Variants in FAAH2 observed in about 807,000 individuals in gnomAD.
FAAH2 encodes the protein fatty acid amide hydrolase 2.
In FAAH2, 60 loss-of-function variants were observed where a neutral mutation model predicts 36.9. The ratio of observed to expected loss-of-function variants is 1.63; its 90% CI spans 1.32 to 2.02. FAAH2 has a LOEUF of 2.02. Among genes scored for constraint, FAAH2 ranks in the 30% most tolerant of loss-of-function variants. FAAH2 has a pLI of 0.00. For synonymous variants in FAAH2, 214 were observed against 143.8 expected (o/e 1.49, Z -3.49); for missense variants, 689 against 397.5 (o/e 1.73, Z -6.23).
At chrX:57,163,817 G>A in the FAAH2 span, among the ~76,000 whole-genome samples, 4 of 112,277 alleles carry the variant, frequency 3.6e-5, no homozygotes, top group East Asian at 2.8e-4. Flanking sequence ...GAAATCACCC[G>A]TCTTCTGCGT....
At chrX:57,475,989 C>G (rs1161768199) in intron 10 of FAAH2, among the ~76,000 whole-genome samples, 1 of 111,172 alleles carries the variant, frequency 9.0e-6, no homozygotes, top group Non-Finnish European at 1.9e-5. Flanking sequence ...ATTTGGCTGT[C>G]TGCTTGTCTA....
chrX:57,249,912 T>G, the FAAH2 span, among the ~76,000 whole-genome samples: 1 of 111,933 alleles, frequency 8.9e-6, no homozygotes, highest in Admixed American at 9.5e-5. Flanking sequence ...TGCTTAGAGA[T>G]TCTGGTCACA....
At chrX:57,421,350 G>T (rs1450621292) in intron 7 of FAAH2, among the ~76,000 whole-genome samples, 1 of 112,068 alleles carries the variant, frequency 8.9e-6, no homozygotes, top group Non-Finnish European at 1.9e-5. Context: ...TACTCAGGTG[G>T]GTGAGACCGG....
rs747776994 is a variant in FAAH2 at position 57,394,680 on chromosome X, G to GT, written c.996+13659dup. ...ATCACCCACAACTTTTCTCCCATTT[G>GT]TTTTTTTTATCATCTGGGACATAAT... is the stretch of plus-strand genomic sequence containing the variant. On this transcript the variant is annotated intron_variant, in intron 7 of 10. Coordinates refer to ENST00000374900, the MANE Select transcript of FAAH2 (RefSeq NM_174912.4). 2,312 of 918,960 alleles carry GT rather than the reference G, an allele frequency of 2.5e-3. 5 individuals are homozygous for GT. The highest frequency in any genetic ancestry group is 3.3e-3 in the Non-Finnish European group (2,103 of 632,064). The allele number at this position is 918,960 out of a possible 1,213,427, so 75.7% of individuals were successfully genotyped here.
chrX:57,445,601 G>A (rs999890587), intron 8 of FAAH2, among the ~76,000 whole-genome samples: 1 of 111,892 alleles, frequency 8.9e-6, no homozygotes, highest in Admixed American at 9.5e-5. Context: ...TCTCACTAGA[G>A]TGGGTCTAGA....
chrX:57,357,662 C>T (rs370873455), intron 5 of FAAH2, among the ~76,000 whole-genome samples: 10 of 111,092 alleles, frequency 9.0e-5, no homozygotes, highest in South Asian at 3.8e-4. Context: ...GTTAGAGTGG[C>T]GATAATTAAA....
intron 10 of FAAH2, among the ~76,000 whole-genome samples, chrX:57,479,110 C>T (rs1444460910): frequency 9.0e-6 from 1 of 111,685 alleles, no homozygotes; most frequent in Non-Finnish European, 1.9e-5. Context: ...TTGATTCTTC[C>T]TACCAATGAG....
intron 5 of FAAH2, among the ~76,000 whole-genome samples, chrX:57,353,501 G>GA (rs755138907): frequency 5.8e-5 from 3 of 51,908 alleles, no homozygotes; most frequent in Admixed American, 2.1e-4. Context: ...AAAAAAAAAA[G>GA]AAAAAAAAGA....
chrX:57,382,418 G>A (rs1453056004), intron 7 of FAAH2, among the ~76,000 whole-genome samples: 2 of 111,092 alleles, frequency 1.8e-5, no homozygotes, highest in Non-Finnish European at 3.8e-5. Context: ...ACAAAATTGA[G>A]AGACCGCTGG....
the FAAH2 span, among the ~76,000 whole-genome samples, chrX:57,156,411 A>G: frequency 2.7e-5 from 3 of 111,803 alleles, no homozygotes; most frequent in Admixed American, 1.9e-4. Context: ...TAGTGATATC[A>G]TGTCTCCTGG....
intron 7 of FAAH2, among the ~76,000 whole-genome samples, chrX:57,423,026 T>C (rs1333859181): frequency 9.0e-6 from 1 of 111,719 alleles, no homozygotes; most frequent in African/African-American, 3.3e-5. Context: ...CATATTTTCA[T>C]TGGGGAACTG....
chrX:57,456,900 C>T (rs1251788739), intron 10 of FAAH2, among the ~76,000 whole-genome samples: 6 of 111,579 alleles, frequency 5.4e-5, no homozygotes, highest in Non-Finnish European at 7.5e-5. Flanking sequence ...TCACACTTTC[C>T]CAAGAAAATC....
chrX:57,206,892 G>A, the FAAH2 span, among the ~76,000 whole-genome samples: 92 of 111,406 alleles, frequency 8.3e-4, no homozygotes, highest in Non-Finnish European at 1.5e-3. Context: ...GGAAAATATT[G>A]GAACTATGTG....
chrX:57,324,760 T>G (rs1469735912), intron 3 of FAAH2, among the ~76,000 whole-genome samples: 1 of 112,335 alleles, frequency 8.9e-6, no homozygotes, highest in Admixed American at 9.4e-5. Context: ...TGGGGTTTTC[T>G]AAATATACAA....
At chrX:57,292,721 A>G (rs1476701474) in intron 2 of FAAH2, 141 bp downstream of exon 2, 4 of 437,881 alleles carry the variant, frequency 9.1e-6, no homozygotes, top group African/African-American at 2.5e-5. Flanking sequence ...TCTGACTTCT[A>G]ATTTCAGTAT....
At chrX:57,409,162 C>G (rs1010625246) in intron 7 of FAAH2, among the ~76,000 whole-genome samples, 30 of 111,204 alleles carry the variant, frequency 2.7e-4, no homozygotes, top group African/African-American at 9.8e-4. Context: ...TAATATTATG[C>G]GACCACCATC....
chrX:57,215,461 C>T, the FAAH2 span, among the ~76,000 whole-genome samples: 3 of 111,523 alleles, frequency 2.7e-5, no homozygotes, highest in African/African-American at 9.8e-5. Flanking sequence ...AATCCTATTA[C>T]TGGGTATATA....
At chrX:57,458,052 T>A (rs1463487256) in intron 10 of FAAH2, among the ~76,000 whole-genome samples, 1 of 111,637 alleles carries the variant, frequency 9.0e-6, no homozygotes, top group Non-Finnish European at 1.9e-5. Flanking sequence ...AAATGTACTA[T>A]AAGGCTACAA....
At chrX:57,476,632 G>T (rs1460679522) in intron 10 of FAAH2, among the ~76,000 whole-genome samples, 4 of 110,959 alleles carry the variant, frequency 3.6e-5, no homozygotes, top group African/African-American at 6.6e-5. Flanking sequence ...ATCAGAGATG[G>T]TGGCCTGAAA....
Sources: allele counts gnomAD v4.1 joint callset (sites outside exome capture counted in the v4.1 genomes callset), GRCh38; gene constraint gnomAD v4.1.1; transcripts MANE v1.5; gene names NCBI Gene and HGNC (gene_info 2026-07-23, HGNC 2026-07-21).